The following PCID2 variants were observed in gnomAD, a reference collection of about 807,000 sequenced individuals.
PCID2 encodes PCI domain-containing protein 2.
PCID2 carries 41 observed loss-of-function variants against 61.3 expected under a neutral mutation model. The ratio of observed to expected loss-of-function variants is 0.67; its 90% CI spans 0.52 to 0.87. The LOEUF (loss-of-function observed/expected upper bound fraction) is 0.87. Ranked by LOEUF, PCID2 falls within the 40% of genes least tolerant of loss-of-function variation. The pLI is 0.00. For synonymous variants in PCID2, 187 were observed against 177.8 expected (o/e 1.05, Z -0.41); for missense variants, 392 against 493.4 (o/e 0.79, Z 1.95).
intron 1 of PCID2, chr13:113,208,128 G>GAGCCCGGCCTGC (rs2040064153): frequency 1.7e-5 from 28 of 1,607,818 alleles, no homozygotes; most frequent in Non-Finnish European, 2.2e-5. Flanking sequence ...CGAGGGGCAC[G>GAGCCCGGCCTGC]AGCCCGGCCT....
At chr13:113,172,128 GAAC>G in the PCID2 span, 1 of 1,610,962 alleles carries the variant, frequency 6.2e-7, no homozygotes, top group African/African-American at 1.3e-5. Context: ...TAGCCAGAAT[GAAC>G]AACACAACCG....
chr13:113,205,405 C>T (rs188167471), intron 1 of PCID2, among the ~76,000 whole-genome samples: 6 of 152,298 alleles, frequency 3.9e-5, no homozygotes, highest in Non-Finnish European at 7.3e-5. Flanking sequence ...AAATTGCAAC[C>T]CTCATACATT....
the PCID2 span, chr13:113,171,606 C>G: frequency 6.2e-7 from 1 of 1,614,086 alleles, no homozygotes; most frequent in Non-Finnish European, 8.5e-7. This position sits in a 1 kb window ranked among gnomAD's most constrained non-coding sequence, Gnocchi z 5.1. Context: ...TTTAACAGAA[C>G]GAGCCAAGAC....
In PCID2 at chr13:113,208,417, G is replaced by A. The variant is rs889739082; in HGVS notation, c.36+182C>T. On this transcript the variant is annotated intron_variant, in intron 1 of 13. Transcript: ENST00000337344. ...ACGGCGGCCCTGCAGGGGAGAACTC[G>A]GGCCGCCTTCCCGAGTCCCGGCCGC... 41 of 1,485,546 alleles carry A rather than the reference G, an allele frequency of 2.8e-5. No individual in the cohort carries two copies. In the Admixed American group the frequency reaches 7.9e-4, roughly 29 times the overall value. The allele number at this position is 1,485,546 out of a possible 1,614,324, so 92.0% of individuals were successfully genotyped here. A position where few individuals can be genotyped will look rare whatever the true frequency, so the allele number is the denominator to read the frequency against.
At chr13:113,176,974 C>A (rs2037201396), downstream of PCID2, among the ~76,000 whole-genome samples, 1 of 152,156 alleles carries the variant, frequency 6.6e-6, no homozygotes, top group African/African-American at 2.4e-5. Flanking sequence ...ATGGCAGCCC[C>A]AACAGCCCAA....
At chr13:113,203,772 G>A (rs1346419661) in intron 1 of PCID2, among the ~76,000 whole-genome samples, 2 of 152,118 alleles carry the variant, frequency 1.3e-5, no homozygotes, top group African/African-American at 2.4e-5. Flanking sequence ...CAACTGCCTT[G>A]GCCAGGCAGG....
the PCID2 span, chr13:113,171,867 T>A: frequency 3.1e-6 from 5 of 1,613,516 alleles, no homozygotes; most frequent in East Asian, 8.9e-5. This position sits in a 1 kb window ranked among gnomAD's most constrained non-coding sequence, Gnocchi z 5.1. Flanking sequence ...GTCACACTTG[T>A]GGAGGGGGAG....
chr13:113,172,926 G>C (rs112903147), downstream of PCID2, among the ~76,000 whole-genome samples: 331 of 152,330 alleles, frequency 2.2e-3, no homozygotes, highest in African/African-American at 7.4e-3. Flanking sequence ...TGTGGCTGGA[G>C]TGTGTGTCCC....
At position 113,200,369 on chromosome 13, in the gene PCID2, G is replaced by T. The variant is rs188397708; in HGVS notation, c.126+58C>A. The T allele has an allele frequency of 2.2e-3, 2,137 of 974,984 alleles. 5 individuals are homozygous for T. Among genetic ancestry groups the T allele is most frequent in the Middle Eastern group, 9.3e-3 (44 of 4,748 alleles). The allele number at this position is 974,984 out of a possible 1,614,324, so 60.4% of individuals were successfully genotyped here. A position where few individuals can be genotyped will look rare whatever the true frequency, so the allele number is the denominator to read the frequency against. On this transcript the variant is annotated intron_variant, in intron 2 of 13. Transcript: ENST00000337344. ...TACTCAAACTCTACGCTTCTCTTAG[G>T]AAAGTGGTTACCCTGTAATTGTCTG... is the stretch of plus-strand genomic sequence containing the variant.
At position 113,185,551 on chromosome 13, in the gene PCID2, AC is replaced by A. The variant is rs747057155; in HGVS notation, c.476del (p.Gly159ValfsTer2). On this transcript the variant is annotated frameshift_variant, in exon 8 of 14. Transcript: ENST00000337344. LOFTEE classifies it high-confidence loss of function. ...TGCCCCACTTCTTAGAGTCCTCTAT[AC>A]CAGCACGGCTATGGGGAAATAATTT... ...FRVCASDTRA[G>X]IEDSKKWGML... 1 of 1,608,272 alleles carries A rather than the reference AC, an allele frequency of 6.2e-7. No homozygotes were observed. The highest frequency in any genetic ancestry group is 1.1e-5 in the South Asian group (1 of 90,890).
rs115957258 is a variant in PCID2 at position 113,208,629 on chromosome 13, C to T, written c.6G>A (p.Ala2=). M[A]HITINQYLQQ... is the part of the protein sequence containing the mutation. ...GCAGGTACTGGTTAATGGTAATGTGCGCCATGGGAGCGCCGCCGAACGGAG... is the reference window on the plus strand; with the variant it reads ...GCAGGTACTGGTTAATGGTAATGTGTGCCATGGGAGCGCCGCCGAACGGAG... The change falls in exon 1 of 14, where the codon GCG becomes GCA. Residue 2 remains alanine, a synonymous_variant. Coordinates refer to ENST00000337344, the MANE Select transcript of PCID2 (RefSeq NM_001127202.4). 512 of 1,607,938 alleles carry T rather than the reference C, an allele frequency of 3.2e-4. No individual in the cohort carries two copies. The African/African-American group carries it at 4.9e-3, about 15-fold the overall frequency.
intron 1 of PCID2, among the ~76,000 whole-genome samples, chr13:113,207,010 G>A (rs940729074): frequency 6.6e-6 from 1 of 152,172 alleles, no homozygotes; most frequent in Non-Finnish European, 1.5e-5. Context: ...TCGCTTATCA[G>A]TCTCACTTTA....
chr13:113,193,741 G>A (rs1423282763), intron 6 of PCID2, among the ~76,000 whole-genome samples: 1 of 151,966 alleles, frequency 6.6e-6, no homozygotes, highest in African/African-American at 2.4e-5. Context: ...ATTTCCATTT[G>A]GTTCTTCTTT....
chr13:113,192,588 C>T (rs1267233474), intron 6 of PCID2, among the ~76,000 whole-genome samples: 3 of 152,206 alleles, frequency 2.0e-5, no homozygotes, highest in Admixed American at 2.0e-4. Context: ...AACATTTGTG[C>T]TTTCAAGAAA....
intron 7 of PCID2, chr13:113,186,230 C>G (rs1047739948): frequency 6.6e-6 from 1 of 152,490 alleles, no homozygotes; most frequent in Non-Finnish European, 1.5e-5. Context: ...GGGCCTGCCC[C>G]ACATGAGGGA....
chr13:113,207,262 AG>A (rs1432545325), intron 1 of PCID2, among the ~76,000 whole-genome samples: 4 of 152,256 alleles, frequency 2.6e-5, no homozygotes, highest in Non-Finnish European at 5.9e-5. Context: ...TGAATGCAAA[AG>A]GAAACAGTTG....
intron 2 of PCID2, among the ~76,000 whole-genome samples, chr13:113,198,952 C>G (rs1462618960): frequency 6.6e-6 from 1 of 152,192 alleles, no homozygotes; most frequent in Non-Finnish European, 1.5e-5. Context: ...TGTTAGGACT[C>G]GTTCTTCTCG....
chr13:113,171,954 G>C, the PCID2 span: 3 of 1,613,518 alleles, frequency 1.9e-6, no homozygotes, highest in African/African-American at 4.0e-5. The surrounding 1 kb of genome is among the most constrained non-coding windows in gnomAD (Gnocchi z 5.1). Flanking sequence ...GCCATGCACT[G>C]GATGGATGGA....
intron 1 of PCID2, chr13:113,208,039 ATC>A (rs769944344): frequency 1.2e-6 from 2 of 1,612,822 alleles, no homozygotes; most frequent in Non-Finnish European, 1.7e-6. Flanking sequence ...GTTGAACAAC[ATC>A]TGTCAGACGC....
Sources: allele counts gnomAD v4.1 joint callset (sites outside exome capture counted in the v4.1 genomes callset), GRCh38; gene constraint gnomAD v4.1.1; non-coding constraint Gnocchi (gnomAD v3.1); transcripts MANE v1.5; gene names NCBI Gene and HGNC (gene_info 2026-07-23, HGNC 2026-07-21).